Variants in C8orf34 observed in about 807,000 individuals in gnomAD.
C8orf34 encodes uncharacterized protein C8orf34.
In C8orf34, 65 loss-of-function variants were observed where a neutral mutation model predicts 68.3. The observed-to-expected ratio is 0.95, with a 90% CI of 0.78 to 1.17. The LOEUF is 1.17. Among genes scored for constraint, C8orf34 ranks in the 50% most tolerant of loss-of-function variants. The probability of loss-of-function intolerance (pLI) is 0.00; values close to 1 mark genes in which losing one functional copy is unlikely to be tolerated. For missense variants in C8orf34, 664 were observed against 655.4 expected (o/e 1.01, Z -0.14); for synonymous variants, 244 against 241.2 (o/e 1.01, Z -0.11).
At chr8:68,436,283 C>T (rs1357042421) in intron 1 of C8orf34, among the ~76,000 whole-genome samples, 1 of 152,078 alleles carries the variant, frequency 6.6e-6, no homozygotes, top group East Asian at 1.9e-4. Context: ...TCACTAGTTT[C>T]CTGTATCTTC....
intron 5 of C8orf34, among the ~76,000 whole-genome samples, chr8:68,493,275 C>T (rs1024158952): frequency 4.2e-5 from 6 of 143,892 alleles, no homozygotes; most frequent in Admixed American, 3.6e-4. Context: ...ACTCCTATAA[C>T]TCAACAACAA....
At chr8:68,714,827 G>C (rs1821424639) in intron 9 of C8orf34, among the ~76,000 whole-genome samples, 1 of 151,916 alleles carries the variant, frequency 6.6e-6, no homozygotes, top group Non-Finnish European at 1.5e-5. Flanking sequence ...AGCTATCCTA[G>C]GTGAAAAGAA....
In C8orf34 at chr8:68,466,739, A is replaced by ATATATATATAGATG. The variant is rs1554556690; in HGVS notation, c.608-1943_608-1942insGATGTATATATATA. 5.8e-4 allele frequency among the ~76,000 whole-genome samples: 6 copies of ATATATATATAGATG among 10,412 alleles called. 1 individual carries two copies. The highest frequency in any genetic ancestry group is 8.9e-4 in the African/African-American group (6 of 6,746). 6.8% of individuals were successfully genotyped at this position (10,412 alleles called of 152,430 possible). ...TCTGTGAAAATAAACAACGTTGTAC[A>ATATATATATAGATG]TATATATATATATATATATATATAT... On this transcript the variant is annotated intron_variant, in intron 3 of 13. Transcript: ENST00000518698.
rs147550688 is a variant in C8orf34 at position 68,380,137 on chromosome 8, T to C, written c.327+48798T>C. 7.3e-3 allele frequency among the ~76,000 whole-genome samples: 1,114 copies of C among 152,348 alleles called. 5 individuals carry two copies. Among genetic ancestry groups the C allele is most frequent in the Non-Finnish European group, 9.9e-3 (675 of 68,028 alleles). ...TTCACCTCCCAAAGTGCTGGAATTA[T>C]AGGCGTGAGCCACCACACCCAGCCT... On this transcript the variant is annotated intron_variant, in intron 1 of 13. Transcript: ENST00000518698.
At chr8:68,745,518 C>G (rs1003285692) in intron 10 of C8orf34, among the ~76,000 whole-genome samples, 9 of 151,530 alleles carry the variant, frequency 5.9e-5, no homozygotes, top group African/African-American at 2.2e-4. Flanking sequence ...CACATAGGCT[C>G]AAAATAAAAG....
intron 8 of C8orf34, among the ~76,000 whole-genome samples, chr8:68,692,176 G>C (rs142127538): frequency 6.6e-6 from 1 of 151,972 alleles, no homozygotes; most frequent in Non-Finnish European, 1.5e-5. Flanking sequence ...ATGGCTGAAT[G>C]GACAAAGAAC....
intron 7 of C8orf34, among the ~76,000 whole-genome samples, chr8:68,562,948 A>G (rs1385713887): frequency 6.6e-6 from 1 of 152,226 alleles, no homozygotes; most frequent in Non-Finnish European, 1.5e-5. Flanking sequence ...GTAGTTGTCC[A>G]TAATTCCTGG....
At chr8:68,792,691 G>A (rs1270572232) in intron 12 of C8orf34, 2 of 144,808 alleles carry the variant, frequency 1.4e-5, no homozygotes, top group African/African-American at 5.0e-5. Flanking sequence ...AGATTATCAA[G>A]AACTTCTCCA....
At position 68,488,037 on chromosome 8, in the gene C8orf34, G is replaced by T. The variant is rs1586242425; in HGVS notation, c.751G>T (p.Asp251Tyr). 1 of 1,592,234 alleles carries T rather than the reference G, an allele frequency of 6.3e-7. No homozygotes were observed. The highest frequency in any genetic ancestry group is 8.6e-7 in the Non-Finnish European group (1 of 1,169,352). The stretch of plus-strand genomic sequence containing the variant: ...TTAAATCCCAGGTATTGCAATTTCA[G>T]ATGAACTCGATAAGGTAAGTTGAAC... ...ENLSRSIAIS[D>Y]ELDKETVTFN... The change falls in exon 5 of 14, where the codon GAT (aspartate) becomes TAT (tyrosine). Residue 251 changes from aspartate (D) to tyrosine (Y), a missense_variant. By Grantham distance (160) the Asp-to-Tyr change is radical. Coordinates refer to ENST00000518698, the MANE Select transcript of C8orf34 (RefSeq NM_052958.4).
Position 68,445,943 on chromosome 8 carries a change from T to C in C8orf34, c.476-386T>C, listed in dbSNP as rs147205488. ...TAGCTGTAATTACAGACGCCCGCCATCATGCCCGGCTAATTTTTGTGTTTT... is the reference window on the plus strand; with the variant it reads ...TAGCTGTAATTACAGACGCCCGCCACCATGCCCGGCTAATTTTTGTGTTTT... On this transcript the variant is annotated intron_variant, in intron 2 of 13. Coordinates refer to ENST00000518698, the MANE Select transcript of C8orf34 (RefSeq NM_052958.4). 2.1e-3 allele frequency among the ~76,000 whole-genome samples: 326 copies of C among 152,122 alleles called. 1 individual carries two copies. Among genetic ancestry groups the C allele is most frequent in the African/African-American group, 7.1e-3 (293 of 41,534 alleles).
chr8:68,660,704 A>G (rs762254053), intron 8 of C8orf34, among the ~76,000 whole-genome samples: 1 of 152,114 alleles, frequency 6.6e-6, no homozygotes, highest in African/African-American at 2.4e-5. Flanking sequence ...TTTGGGACAA[A>G]AATGTGCTTC....
At chr8:68,781,101 T>C (rs1228031539) in intron 11 of C8orf34, among the ~76,000 whole-genome samples, 1 of 152,156 alleles carries the variant, frequency 6.6e-6, no homozygotes, top group Non-Finnish European at 1.5e-5. Flanking sequence ...TAATACCAAA[T>C]GAAAAGAAAT....
chr8:68,782,404 T>C (rs1823703235), intron 11 of C8orf34, among the ~76,000 whole-genome samples: 1 of 150,620 alleles, frequency 6.6e-6, no homozygotes, highest in Admixed American at 6.6e-5. Flanking sequence ...GGTTTATACC[T>C]AAATGGTATA....
At chr8:68,551,184 T>C (rs1391587830) in intron 7 of C8orf34, among the ~76,000 whole-genome samples, 1 of 151,954 alleles carries the variant, frequency 6.6e-6, no homozygotes, top group Non-Finnish European at 1.5e-5. Flanking sequence ...TTCTTGAATA[T>C]GCTGATGTGA....
At chr8:68,460,697 C>T (rs1280205190) in intron 3 of C8orf34, among the ~76,000 whole-genome samples, 2 of 152,170 alleles carry the variant, frequency 1.3e-5, no homozygotes, top group Non-Finnish European at 2.9e-5. Context: ...TGGAGTGGAC[C>T]TCTAGCAAAC....
chr8:68,719,458 A>T (rs917764325), intron 9 of C8orf34, among the ~76,000 whole-genome samples: 1 of 152,060 alleles, frequency 6.6e-6, no homozygotes, highest in African/African-American at 2.4e-5. Flanking sequence ...CATCTTTGTT[A>T]AAAAGTTAAT....
At chr8:68,495,916 T>C (rs1291742980) in intron 5 of C8orf34, among the ~76,000 whole-genome samples, 1 of 152,278 alleles carries the variant, frequency 6.6e-6, no homozygotes, top group Non-Finnish European at 1.5e-5. Flanking sequence ...AAGCTTTTGG[T>C]AAATAATTAC....
chr8:68,563,608 G>T, intron 7 of C8orf34, among the ~76,000 whole-genome samples: 1 of 151,970 alleles, frequency 6.6e-6, no homozygotes. Flanking sequence ...GCAGATTTTG[G>T]AGGGCTCATG....
chr8:68,798,180 G>C (rs1376507117), intron 12 of C8orf34, among the ~76,000 whole-genome samples: 1 of 151,352 alleles, frequency 6.6e-6, no homozygotes, highest in Non-Finnish European at 1.5e-5. Context: ...ATAGAGACAA[G>C]GTCTTGCTAT....
Sources: gnomAD v4.1 joint callset for allele counts (sites outside exome capture counted in the v4.1 genomes callset) on GRCh38, gnomAD v4.1.1 for gene constraint, MANE v1.5 for transcripts, NCBI Gene and HGNC (gene_info 2026-07-23, HGNC 2026-07-21) for gene names.